Variants in TRIM24 observed in about 807,000 individuals in gnomAD.
TRIM24 encodes the protein tripartite motif containing 24.
TRIM24 carries 29 observed loss-of-function variants against 123.9 expected under a neutral mutation model. That is an observed-to-expected ratio of 0.23 (90% CI 0.17 to 0.32). The LOEUF (loss-of-function observed/expected upper bound fraction) is 0.32. Among genes scored for constraint, TRIM24 ranks in the 10% least tolerant of loss-of-function variants. The pLI, the probability that TRIM24 is intolerant of heterozygous loss-of-function variation, is 1.00. For missense variants in TRIM24, 932 were observed against 1,295.3 expected (o/e 0.72, Z 4.31); for synonymous variants, 456 against 461.1 (o/e 0.99, Z 0.14).
chr7:138,487,134 CTGTT>C (rs746524001), intron 1 of TRIM24, among the ~76,000 whole-genome samples: 5 of 152,242 alleles, frequency 3.3e-5, no homozygotes, highest in African/African-American at 9.6e-5. Context: ...ATTTGGCTCT[CTGTT>C]TGTCTGTTAT....
At chr7:138,528,788 C>A (rs1387670029) in intron 5 of TRIM24, among the ~76,000 whole-genome samples, 6 of 108,282 alleles carry the variant, frequency 5.5e-5, no homozygotes, top group Non-Finnish European at 3.5e-5. Flanking sequence ...CCCCCACCCC[C>A]CCCCCCATCC....
intron 2 of TRIM24, among the ~76,000 whole-genome samples, chr7:138,508,720 C>CGTGTGTGTGTGTGTGCGT (rs1796218571): frequency 8.3e-5 from 6 of 72,514 alleles, no homozygotes; most frequent in African/African-American, 2.8e-4. Flanking sequence ...TGTGTGTGTG[C>CGTGTGTGTGTGTGTGCGT]GTGTGTGTGT....
chr7:138,584,672 C>T, intron 18 of TRIM24, 70 bp from the exon 19 acceptor site: 3 of 1,240,638 alleles, frequency 2.4e-6, no homozygotes, highest in Non-Finnish European at 3.3e-6. Context: ...CAAAACAGCT[C>T]ATTAATATAT....
intron 9 of TRIM24, among the ~76,000 whole-genome samples, chr7:138,557,653 T>C (rs1247428934): frequency 6.6e-6 from 1 of 152,210 alleles, no homozygotes; most frequent in Non-Finnish European, 1.5e-5. Context: ...ATATCTTCAA[T>C]GACCTTTCCA....
intron 6 of TRIM24, among the ~76,000 whole-genome samples, chr7:138,533,689 G>A (rs918722517): frequency 6.6e-6 from 1 of 152,078 alleles, no homozygotes; most frequent in African/African-American, 2.4e-5. Flanking sequence ...TTTTTGTTGT[G>A]TCTCTGCCAG....
chr7:138,554,601 T>C lies in TRIM24; in HGVS notation c.1262-97T>C. 1 of 1,340,156 alleles carries C rather than the reference T, an allele frequency of 7.5e-7. No homozygotes were observed. Among genetic ancestry groups the C allele is most frequent in the Non-Finnish European group, 1.0e-6 (1 of 972,978 alleles). The allele number at this position is 1,340,156 out of a possible 1,614,324, so 83.0% of individuals were successfully genotyped here. On this transcript the variant is annotated intron_variant, in intron 8 of 18. Transcript: ENST00000343526. The surrounding 1 kb of genome is among the most constrained non-coding windows in gnomAD (Gnocchi z 4.5). Reference sequence around the variant, plus strand: ...GGGCTCATGAGATCAGAGAATTTCTTGGCAATTTTGAAGTTCTGCAAAAAT... The same window carrying C: ...GGGCTCATGAGATCAGAGAATTTCTCGGCAATTTTGAAGTTCTGCAAAAAT...
rs1797281875 is a variant in TRIM24 at position 138,554,785 on chromosome 7, G to T, written c.1349G>T (p.Gly450Val). 3.1e-6 allele frequency: 5 copies of T among 1,614,076 alleles called. No individual in the cohort carries two copies. The highest frequency in any genetic ancestry group is 4.2e-6 in the Non-Finnish European group (5 of 1,180,032). ...GAACAGAATTCACAGCCACCAAGTGGTTTATCATCAAACCAGTTATCCAAG... is the reference window on the plus strand; with the variant it reads ...GAACAGAATTCACAGCCACCAAGTGTTTTATCATCAAACCAGTTATCCAAG... ...VVEQNSQPPS[G>V]LSSNQLSKFP... The change falls in exon 9 of 19, where the codon GGT becomes GTT. Residue 450 changes from glycine (G) to valine (V), a missense_variant. Coordinates refer to ENST00000343526, the MANE Select transcript of TRIM24 (RefSeq NM_015905.3). This position sits in a 1 kb window ranked among gnomAD's most constrained non-coding sequence, Gnocchi z 4.5.
rs185665464 is a variant in TRIM24, at chr7:138,589,625, T to G, written c.*4674T>G. On this transcript the variant is annotated 3_prime_UTR_variant, in exon 19 of 19. Transcript: ENST00000343526. Reference sequence around the variant, plus strand: ...ATCTGACAGGAAGGAAAGCGGGTGGTAAGTATCTTGGATTATTCTGCCTCA... The same window carrying G: ...ATCTGACAGGAAGGAAAGCGGGTGGGAAGTATCTTGGATTATTCTGCCTCA... 6.0e-4 allele frequency: 92 copies of G among 152,246 alleles called. No individual in the cohort carries two copies. Among genetic ancestry groups the G allele is most frequent in the African/African-American group, 1.9e-3 (81 of 41,540 alleles). 9.4% of individuals were successfully genotyped at this position (152,246 alleles called of 1,614,324 possible).
chr7:138,549,299 G>C (rs1797163060), intron 7 of TRIM24, among the ~76,000 whole-genome samples: 1 of 152,160 alleles, frequency 6.6e-6, no homozygotes, highest in South Asian at 2.1e-4. Flanking sequence ...TGTAGAGGAA[G>C]GGAGAAGTCA....
At chr7:138,462,868 A>ATTTT (rs1226724778) in intron 1 of TRIM24, among the ~76,000 whole-genome samples, 2 of 148,412 alleles carry the variant, frequency 1.3e-5, no homozygotes, top group Non-Finnish European at 1.5e-5. Context: ...TTATTTATTT[A>ATTTT]TTTATTTATT....
chr7:138,577,664 A>C (rs1186049721), intron 14 of TRIM24, 76 bp downstream of exon 14: 35 of 1,236,360 alleles, frequency 2.8e-5, no homozygotes, highest in Non-Finnish European at 3.6e-5. Context: ...AGCTCTTAGG[A>C]GTTTTTTTTT....
intron 2 of TRIM24, among the ~76,000 whole-genome samples, chr7:138,508,593 C>G (rs1314429868): frequency 6.6e-6 from 1 of 151,628 alleles, no homozygotes; most frequent in Non-Finnish European, 1.5e-5. Context: ...TGATTCCTTC[C>G]CTTTAGTTGC....
chr7:138,563,264 A>C (rs1797464369), intron 9 of TRIM24, among the ~76,000 whole-genome samples: 1 of 152,180 alleles, frequency 6.6e-6, no homozygotes, highest in Non-Finnish European at 1.5e-5. Flanking sequence ...AGGGTGCAGC[A>C]GCCTTTGACT....
At chr7:138,548,910 A>G (rs1797155989) in intron 7 of TRIM24, among the ~76,000 whole-genome samples, 1 of 152,156 alleles carries the variant, frequency 6.6e-6, no homozygotes, top group Admixed American at 6.5e-5. Context: ...GTCTCACTGG[A>G]AAGTCTTCAG....
intron 1 of TRIM24, among the ~76,000 whole-genome samples, chr7:138,479,066 C>T (rs1453513768): frequency 6.6e-6 from 1 of 152,164 alleles, no homozygotes; most frequent in African/African-American, 2.4e-5. Context: ...CGGTTGCCTT[C>T]TTTTTATCTT....
intron 5 of TRIM24, among the ~76,000 whole-genome samples, chr7:138,526,827 CT>C (rs1478073034): frequency 6.6e-6 from 1 of 151,944 alleles, no homozygotes; most frequent in African/African-American, 2.4e-5. Flanking sequence ...TGGGTTTAAA[CT>C]TTTTTTATTC....
intron 1 of TRIM24, 125 bp downstream of exon 1, chr7:138,461,037 C>A: frequency 1.0e-6 from 1 of 963,858 alleles, no homozygotes; most frequent in Non-Finnish European, 1.5e-6. Context: ...GAGGGGCGAG[C>A]AGGAGGGTCT....
At chr7:138,501,719 C>G (rs1796044289) in intron 1 of TRIM24, among the ~76,000 whole-genome samples, 1 of 151,876 alleles carries the variant, frequency 6.6e-6, no homozygotes, top group Non-Finnish European at 1.5e-5. Context: ...AAACCCATCT[C>G]TACTAAAAAT....
chr7:138,529,267 C>A (rs1796676357), intron 6 of TRIM24, 37 bp downstream of exon 6: 1 of 1,048,496 alleles, frequency 9.5e-7, no homozygotes, highest in Non-Finnish European at 1.4e-6. Flanking sequence ...ATTGATTCAA[C>A]ATAGTATTTC....
Sources: allele counts gnomAD v4.1 joint callset (sites outside exome capture counted in the v4.1 genomes callset), GRCh38; gene constraint gnomAD v4.1.1; non-coding constraint Gnocchi (gnomAD v3.1); transcripts MANE v1.5; gene names NCBI Gene and HGNC (gene_info 2026-07-23, HGNC 2026-07-21).